RYK: variants seen among roughly 807,000 people sequenced by gnomAD.
The protein encoded by RYK is inactive tyrosine-protein kinase RYK.
In RYK, 21 loss-of-function variants were observed where a neutral mutation model predicts 70.2. The ratio of observed to expected loss-of-function variants is 0.30; its 90% CI spans 0.21 to 0.43. The LOEUF (loss-of-function observed/expected upper bound fraction) is 0.43. Ranked by LOEUF, RYK falls within the 20% of genes least tolerant of loss-of-function variation. The pLI is 1.00. For synonymous variants in RYK, 267 were observed against 278.0 expected (o/e 0.96, Z 0.39); for missense variants, 604 against 753.3 (o/e 0.80, Z 2.32).
chr3:134,169,290 TCTC>T (rs2012809381), intron 13 of RYK, among the ~76,000 whole-genome samples: 1 of 152,174 alleles, frequency 6.6e-6, no homozygotes, highest in Non-Finnish European at 1.5e-5. Flanking sequence ...CATTTAGTAA[TCTC>T]CTAATAGAAA....
At chr3:134,158,329 T>C in intron 14 of RYK, 65 bp from the exon 15 acceptor site, 1 of 957,348 alleles carries the variant, frequency 1.0e-6, no homozygotes, top group Non-Finnish European at 1.5e-6. Flanking sequence ...TTTTGCTCAG[T>C]TTGATGCCAG....
At chr3:134,216,145 T>C (rs2014546246) in intron 2 of RYK, among the ~76,000 whole-genome samples, 1 of 152,160 alleles carries the variant, frequency 6.6e-6, no homozygotes, top group Non-Finnish European at 1.5e-5. Context: ...TTTTTGCTTA[T>C]GTTCCCTTAC....
intron 7 of RYK, 110 bp downstream of exon 7, chr3:134,194,972 T>C (rs1407033138): frequency 2.7e-6 from 2 of 740,822 alleles, no homozygotes; most frequent in South Asian, 1.7e-5. Context: ...TTGCATACTT[T>C]AGATACGATT....
At chr3:134,161,390 G>A (rs1335679498) in intron 13 of RYK, among the ~76,000 whole-genome samples, 1 of 152,120 alleles carries the variant, frequency 6.6e-6, no homozygotes, top group Non-Finnish European at 1.5e-5. Flanking sequence ...AGGATGTTTA[G>A]CATTCTCCCT....
intron 1 of RYK, among the ~76,000 whole-genome samples, chr3:134,232,950 A>G (rs1024540343): frequency 1.3e-5 from 2 of 152,260 alleles, no homozygotes; most frequent in African/African-American, 4.8e-5. Context: ...TCTCAGCTCT[A>G]TTTCAAGAAT....
intron 2 of RYK, among the ~76,000 whole-genome samples, chr3:134,215,091 C>T (rs2014513136): frequency 6.6e-6 from 1 of 152,214 alleles, no homozygotes; most frequent in Admixed American, 6.5e-5. Flanking sequence ...GCCACACTTA[C>T]TATTTCCCCA....
chr3:134,241,400 G>T (rs1313637111), intron 1 of RYK, among the ~76,000 whole-genome samples: 1 of 134,724 alleles, frequency 7.4e-6, no homozygotes, highest in Non-Finnish European at 1.7e-5. Flanking sequence ...TCCCTTTACA[G>T]TATCACCTTT....
At chr3:134,183,143 G>A in intron 9 of RYK, 72 bp from the exon 10 acceptor site, 1 of 834,014 alleles carries the variant, frequency 1.2e-6, no homozygotes, top group Non-Finnish European at 1.9e-6. Context: ...TCTGCTATTA[G>A]TAAATAATTA....
intron 5 of RYK, among the ~76,000 whole-genome samples, chr3:134,205,214 C>G (rs892956384): frequency 6.6e-6 from 1 of 152,110 alleles, no homozygotes; most frequent in Non-Finnish European, 1.5e-5. Context: ...CCTCATATCT[C>G]CATGCACAGA....
At chr3:134,195,568 T>C (rs1051627522) in intron 6 of RYK, among the ~76,000 whole-genome samples, 1 of 152,224 alleles carries the variant, frequency 6.6e-6, no homozygotes, top group Non-Finnish European at 1.5e-5. Context: ...AAGACAGGCC[T>C]CTTTCAATGA....
At chr3:134,161,671 C>A (rs1210135039) in intron 13 of RYK, among the ~76,000 whole-genome samples, 1 of 152,116 alleles carries the variant, frequency 6.6e-6, no homozygotes, top group Non-Finnish European at 1.5e-5. Context: ...ATGAAATAAA[C>A]AAATTTCTTA....
chr3:134,205,982 G>T (rs2014201830), intron 5 of RYK, among the ~76,000 whole-genome samples: 2 of 152,210 alleles, frequency 1.3e-5, no homozygotes, highest in African/African-American at 2.4e-5. Flanking sequence ...GACACAGACA[G>T]AGGCCAAGAA....
At chr3:134,181,550 TA>T (rs1560006005) in intron 10 of RYK, 2 of 152,192 alleles carry the variant, frequency 1.3e-5, no homozygotes, top group Non-Finnish European at 2.9e-5. Flanking sequence ...AAAATATAAC[TA>T]AATTTAAAAG....
Position 134,222,408 on chromosome 3 carries a change from ACT to A in RYK, c.354+8_354+9del. ...CCTGTCATGATGTCTGTGGTTAGCC[ACT>A]CTCTTACCTTGGACTTCGCATGCCA... On this transcript the variant is annotated splice_region_variant and intron_variant, in intron 2 of 14. Coordinates refer to ENST00000623711, the MANE Select transcript of RYK (RefSeq NM_002958.4). 2 of 1,612,402 alleles carry A rather than the reference ACT, an allele frequency of 1.2e-6. No individual in the cohort carries two copies. Among genetic ancestry groups the A allele is most frequent in the Non-Finnish European group, 1.7e-6 (2 of 1,179,636 alleles).
Position 134,175,739 on chromosome 3 carries a change from G to A in RYK, c.1445C>T (p.Thr482Ile), listed in dbSNP as rs2013078574. ...CAAGTCTCTGGAGAGGGCATTGTCT[G>A]TGATCTTAACTTGAAGTGTGTCATC... ...VIDDTLQVKI[T>I]DNALSRDLFP... The change falls in exon 13 of 15, where the codon ACA becomes ATA. Residue 482 changes from threonine to isoleucine, a missense_variant. Around this residue, in one of 2 missense-constraint regions of RYK, gnomAD observed 138 missense variants for 217.4 expected, o/e 0.63. Coordinates refer to ENST00000623711, the MANE Select transcript of RYK (RefSeq NM_002958.4). The A allele has an allele frequency of 1.2e-6, 2 of 1,613,860 alleles. No homozygotes were observed. The highest frequency in any genetic ancestry group is 3.3e-4 in the Middle Eastern group (2 of 6,062).
intron 1 of RYK, among the ~76,000 whole-genome samples, chr3:134,232,091 C>A (rs1034386541): frequency 6.6e-6 from 1 of 152,216 alleles, no homozygotes; most frequent in Non-Finnish European, 1.5e-5. Flanking sequence ...AGTATCTCAA[C>A]AGCTAGTAGT....
Position 134,209,823 on chromosome 3 carries a change from C to A in RYK, c.461G>T (p.Arg154Leu). Residue 154 changes from arginine (R) to leucine (L), a missense_variant, in exon 4 of 15, where the codon CGG becomes CTG. Coordinates refer to ENST00000623711, the MANE Select transcript of RYK (RefSeq NM_002958.4). Reference sequence around the variant, plus strand: ...TTTGCCAGTACAGGAAAGCTCTACCCGAAACACTGTTTAAAAAAGATAAGA... The same window carrying A: ...TTTGCCAGTACAGGAAAGCTCTACCAGAAACACTGTTTAAAAAAGATAAGA... ...GEVPRTLSVF[R>L]VELSCTGKVD... The A allele has an allele frequency of 6.8e-7, 1 of 1,479,702 alleles. No homozygotes were observed. 91.7% of individuals were successfully genotyped at this position (1,479,702 alleles called of 1,614,324 possible). A position where few individuals can be genotyped will look rare whatever the true frequency, so the allele number is the denominator to read the frequency against.
intron 1 of RYK, among the ~76,000 whole-genome samples, chr3:134,224,979 CTTT>C (rs34238585): frequency 0.086 from 13,046 of 152,158 alleles, 1,150 homozygotes; most frequent in South Asian, 0.32. Context: ...TATATATTTT[CTTT>C]ATTATACTGG....
At chr3:134,199,955 C>T (rs13091348) in intron 6 of RYK, among the ~76,000 whole-genome samples, 1,677 of 8,104 alleles carry the variant, frequency 0.21, 42 homozygotes, top group Non-Finnish European at 0.48. Context: ...TTCTGTCTAG[C>T]TAAAGGTTTG....
Sources: gnomAD v4.1 joint callset for allele counts (sites outside exome capture counted in the v4.1 genomes callset) on GRCh38, gnomAD v4.1.1 for gene constraint, gnomAD v4.1.1 regional missense constraint, MANE v1.5 for transcripts, NCBI Gene and HGNC (gene_info 2026-07-23, HGNC 2026-07-21) for gene names.